KIAA1328: variants seen among roughly 807,000 people sequenced by gnomAD.
KIAA1328 encodes the protein protein hinderin.
Under a neutral mutation model 68.1 loss-of-function variants are expected in KIAA1328, and 52 were observed. The observed-to-expected ratio is 0.76, with a 90% CI of 0.61 to 0.96. KIAA1328 has a LOEUF of 0.96. Among genes scored for constraint, KIAA1328 ranks in the 40% least tolerant of loss-of-function variants. The probability of loss-of-function intolerance (pLI) is 0.00; values close to 1 mark genes in which losing one functional copy is unlikely to be tolerated. For synonymous variants in KIAA1328, 232 were observed against 239.4 expected, an observed-to-expected ratio of 0.97 and a Z score of 0.28; for missense variants, 641 against 677.6, an observed-to-expected ratio of 0.95 and a Z score of 0.60.
At chr18:37,165,586 ATTTTTTTTTT>A (rs767099970) in intron 8 of KIAA1328, among the ~76,000 whole-genome samples, 1 of 126,024 alleles carries the variant, frequency 7.9e-6, no homozygotes, top group Non-Finnish European at 1.7e-5. Context: ...CACCCGGCTA[ATTTTTTTTTT>A]TTTTTTTTTT....
chr18:37,029,795 C>G (rs1394627847), intron 6 of KIAA1328, among the ~76,000 whole-genome samples: 1 of 152,054 alleles, frequency 6.6e-6, no homozygotes, highest in Admixed American at 6.6e-5. Context: ...GATCCATGAC[C>G]TTTTCTTTTT....
Position 37,161,101 on chromosome 18 carries a change from C to T in KIAA1328, c.1414+720C>T, listed in dbSNP as rs527957785. On this transcript the variant is annotated intron_variant, in intron 8 of 9. Coordinates refer to ENST00000280020, the MANE Select transcript of KIAA1328 (RefSeq NM_020776.3). Reference sequence around the variant, plus strand: ...AAGACCAAAAAGACCTCTGAGCCCTCTCCTGCTCACACCTCTTTCCTAGTG... The same window carrying T: ...AAGACCAAAAAGACCTCTGAGCCCTTTCCTGCTCACACCTCTTTCCTAGTG... 3.9e-5 allele frequency among the ~76,000 whole-genome samples: 6 copies of T among 152,298 alleles called. No homozygotes were observed. The East Asian group carries it at 1.2e-3, about 29-fold the overall frequency.
chr18:36,881,681 G>T (rs1375319249), intron 4 of KIAA1328, among the ~76,000 whole-genome samples: 2 of 152,050 alleles, frequency 1.3e-5, no homozygotes, highest in African/African-American at 4.8e-5. Flanking sequence ...GCCCATTCTA[G>T]ATATCTCATA....
intron 7 of KIAA1328, among the ~76,000 whole-genome samples, chr18:37,098,884 G>C (rs911807559): frequency 9.2e-5 from 14 of 152,158 alleles, no homozygotes; most frequent in Non-Finnish European, 1.8e-4. Flanking sequence ...AGTGTCCTCT[G>C]ATTGTAGTTT....
chr18:36,835,414 C>T (rs915191956), intron 3 of KIAA1328, 38 bp downstream of exon 3: 13 of 1,593,950 alleles, frequency 8.2e-6, no homozygotes, highest in Admixed American at 1.7e-5. Context: ...CCTTGCTCTC[C>T]AGTCTTTATG....
intron 6 of KIAA1328, among the ~76,000 whole-genome samples, chr18:37,062,033 G>A (rs969700200): frequency 9.9e-5 from 15 of 152,192 alleles, no homozygotes; most frequent in African/African-American, 2.9e-4. Flanking sequence ...TATGGTCCAC[G>A]CGCTTTATAT....
intron 7 of KIAA1328, among the ~76,000 whole-genome samples, chr18:37,141,538 AGAC>A (rs2058764491): frequency 6.6e-6 from 1 of 152,238 alleles, no homozygotes; most frequent in African/African-American, 2.4e-5. Flanking sequence ...GCAAAACAAA[AGAC>A]AACTGAGCTG....
At chr18:37,099,743 A>T (rs2057538699) in intron 7 of KIAA1328, among the ~76,000 whole-genome samples, 1 of 152,246 alleles carries the variant, frequency 6.6e-6, no homozygotes, top group South Asian at 2.1e-4. Flanking sequence ...GACTTGCTTT[A>T]CGAATCTGGG....
chr18:37,195,632 G>T (rs183024093), intron 9 of KIAA1328, among the ~76,000 whole-genome samples: 2 of 152,184 alleles, frequency 1.3e-5, no homozygotes, highest in Admixed American at 6.5e-5. Context: ...TTTCTGGTTT[G>T]CTATTCTGTT....
At chr18:37,054,925 TTAC>T (rs2055850142) in intron 6 of KIAA1328, among the ~76,000 whole-genome samples, 1 of 152,240 alleles carries the variant, frequency 6.6e-6, no homozygotes. Context: ...TTGGTAGGTG[TTAC>T]TAGTGTTCTA....
At chr18:37,028,608 G>T (rs2054693565) in intron 6 of KIAA1328, among the ~76,000 whole-genome samples, 1 of 151,746 alleles carries the variant, frequency 6.6e-6, no homozygotes, top group African/African-American at 2.4e-5. Context: ...GTTCTGGTTT[G>T]CAAGGGTAAT....
At chr18:36,879,371 T>C (rs1368083825) in intron 4 of KIAA1328, among the ~76,000 whole-genome samples, 5 of 152,186 alleles carry the variant, frequency 3.3e-5, no homozygotes, top group African/African-American at 1.2e-4. Flanking sequence ...CAGCAAAGAT[T>C]GCTACCTGCT....
chr18:36,834,633 A>G (rs553390548), intron 2 of KIAA1328, among the ~76,000 whole-genome samples: 2 of 152,276 alleles, frequency 1.3e-5, no homozygotes, highest in South Asian at 4.1e-4. Flanking sequence ...TTTTTCTTTT[A>G]CAAATGATAG....
intron 9 of KIAA1328, among the ~76,000 whole-genome samples, chr18:37,179,657 T>C (rs569840716): frequency 5.3e-5 from 8 of 152,284 alleles, no homozygotes; most frequent in Admixed American, 5.2e-4. Flanking sequence ...CCTGGGACCA[T>C]ACTCTACCAA....
chr18:36,885,671 A>G lies in KIAA1328; in HGVS notation c.447A>G (p.Glu149=), dbSNP rs760032941. The change falls in exon 5 of 10, where the codon GAA becomes GAG. Residue 149 remains glutamate (E), a splice_region_variant and synonymous_variant. Coordinates refer to ENST00000280020, the MANE Select transcript of KIAA1328 (RefSeq NM_020776.3). The part of the protein sequence containing the change: ...EQNELIIKER[E]ALQLQYRECQ... ...ATGAACTGATCATCAAAGAAAGGGA[A>G]GATATCCTTTTGAAAGTTCTCTTTT... 10 of 1,541,236 alleles carry G rather than the reference A, an allele frequency of 6.5e-6. No individual in the cohort carries two copies. The highest frequency in any genetic ancestry group is 8.8e-6 in the Non-Finnish European group (10 of 1,132,880).
At chr18:36,841,162 A>G (rs1600938170) in intron 3 of KIAA1328, among the ~76,000 whole-genome samples, 1 of 152,010 alleles carries the variant, frequency 6.6e-6, no homozygotes, top group Non-Finnish European at 1.5e-5. Context: ...TGGTGTTGGT[A>G]TGAACAGTGC....
chr18:37,044,318 A>G (rs1015809574), intron 6 of KIAA1328, among the ~76,000 whole-genome samples: 9 of 152,146 alleles, frequency 5.9e-5, no homozygotes, highest in Non-Finnish European at 1.0e-4. Flanking sequence ...AACAGTAACT[A>G]TGGATCCTAT....
intron 5 of KIAA1328, among the ~76,000 whole-genome samples, chr18:36,893,465 T>TTGTGTGTGTGTGTGTG (rs141803952): frequency 6.6e-5 from 8 of 120,650 alleles, no homozygotes; most frequent in African/African-American, 1.6e-4. Context: ...GTGTGTGTTT[T>TTGTGTGTGTGTGTGTG]TGTGTGTGTG....
chr18:37,032,872 C>A (rs911027227), intron 6 of KIAA1328, among the ~76,000 whole-genome samples: 2 of 152,100 alleles, frequency 1.3e-5, no homozygotes, highest in African/African-American at 2.4e-5. Flanking sequence ...AACTCCTGAC[C>A]TCAGGCGATC....
Sources: gnomAD v4.1 joint callset for allele counts (sites outside exome capture counted in the v4.1 genomes callset) on GRCh38, gnomAD v4.1.1 for gene constraint, MANE v1.5 for transcripts, NCBI Gene and HGNC (gene_info 2026-07-23, HGNC 2026-07-21) for gene names.